The following FMNL3 variants were observed in gnomAD, a reference collection of about 807,000 sequenced individuals.
FMNL3 encodes the protein formin-like protein 3.
In FMNL3, 57 loss-of-function variants were observed where a neutral mutation model predicts 119.6. The ratio of observed to expected loss-of-function variants is 0.48; its 90% CI spans 0.39 to 0.59. The LOEUF is 0.59. Ranked by LOEUF, FMNL3 falls within the 20% of genes least tolerant of loss-of-function variation. FMNL3 has a pLI of 0.00. For missense variants in FMNL3, 1,053 were observed against 1,323.5 expected (o/e 0.80, Z 3.17); for synonymous variants, 491 against 507.3 (o/e 0.97, Z 0.43).
Position 49,637,934 on chromosome 12 carries a change from C to A in FMNL3, c.*7881G>T. ...GCAGAAGCATTACAGCTTGGTTCAGCAGATATCTACTGTGATCCTTTACTG... is the reference window on the plus strand; with the variant it reads ...GCAGAAGCATTACAGCTTGGTTCAGAAGATATCTACTGTGATCCTTTACTG... On this transcript the variant is annotated 3_prime_UTR_variant, in exon 26 of 26. Transcript: ENST00000335154. 1 of 827,948 alleles carries A rather than the reference C, an allele frequency of 1.2e-6. No individual in the cohort carries two copies. 51.3% of individuals were successfully genotyped at this position (827,948 alleles called of 1,614,324 possible).
rs113512482 is a variant in FMNL3 at position 49,659,261 on chromosome 12, T to C, written c.453-667A>G. On this transcript the variant is annotated intron_variant, in intron 5 of 25. Coordinates refer to ENST00000335154, the MANE Select transcript of FMNL3 (RefSeq NM_175736.5). The stretch of plus-strand genomic sequence containing the variant: ...TTGAGGTTTCTAGGTTTTTCAGGTA[T>C]ACAGGCTCCCTGGGCTTCAGTTTCC... Among the ~76,000 whole-genome samples the C allele has an allele frequency of 2.5e-3, 378 of 152,300 alleles. 2 individuals carry two copies. The highest frequency in any genetic ancestry group is 8.7e-3 in the African/African-American group (361 of 41,572).
chr12:49,639,218 A>C lies in FMNL3; in HGVS notation c.*6597T>G, dbSNP rs751239860. 2 of 152,228 alleles carry C rather than the reference A, an allele frequency of 1.3e-5. No homozygotes were observed. The highest frequency in any genetic ancestry group is 2.9e-5 in the Non-Finnish European group (2 of 68,050). 9.4% of individuals were successfully genotyped at this position (152,228 alleles called of 1,614,324 possible). A position where few individuals can be genotyped will look rare whatever the true frequency, so the allele number is the denominator to read the frequency against. On this transcript the variant is annotated 3_prime_UTR_variant, in exon 26 of 26. Transcript: ENST00000335154. ...GTCTAGAGTACGTACTTATGTCCTTAGGGAAGGTGGTGGTGCTAGGTAGAG... is the reference window on the plus strand; with the variant it reads ...GTCTAGAGTACGTACTTATGTCCTTCGGGAAGGTGGTGGTGCTAGGTAGAG...
chr12:49,649,425 A>G lies in FMNL3; in HGVS notation c.2304+45T>C, dbSNP rs763468464. 1.2e-6 allele frequency: 2 copies of G among 1,612,778 alleles called. No homozygotes were observed. Among genetic ancestry groups the G allele is most frequent in the Non-Finnish European group, 1.7e-6 (2 of 1,178,968 alleles). ...TCTGTATAGCCCCAGGCCCCCACCT[A>G]GGACCTGAAAACCCCCAGCACCCCT... On this transcript the variant is annotated intron_variant, in intron 19 of 25. Coordinates refer to ENST00000335154, the MANE Select transcript of FMNL3 (RefSeq NM_175736.5). This position sits in a 1 kb window ranked among gnomAD's most constrained non-coding sequence, Gnocchi z 5.6.
chr12:49,658,740 G>A, intron 5 of FMNL3, 146 bp from the exon 6 acceptor site: 1 of 979,872 alleles, frequency 1.0e-6, no homozygotes, highest in Non-Finnish European at 1.5e-6. Context: ...AGCAGAACTG[G>A]GGAGCAGAGA....
chr12:49,687,650 A>T (rs1944501899), intron 1 of FMNL3, among the ~76,000 whole-genome samples: 1 of 152,200 alleles, frequency 6.6e-6, no homozygotes, highest in African/African-American at 2.4e-5. Context: ...ATGCTATGAG[A>T]CTGGCTTGTC....
chr12:49,637,773 G>A lies in FMNL3; in HGVS notation c.*8042C>T. ...ACTTATTCAAGTTCTATGTGGAGGA[G>A]TTGAAGGCACGATTCCATGATGAAA... On this transcript the variant is annotated 3_prime_UTR_variant, in exon 26 of 26. Coordinates refer to ENST00000335154, the MANE Select transcript of FMNL3 (RefSeq NM_175736.5). The A allele has an allele frequency of 6.2e-7, 1 of 1,612,690 alleles. No individual in the cohort carries two copies. Among genetic ancestry groups the A allele is most frequent in the Non-Finnish European group, 8.5e-7 (1 of 1,178,984 alleles).
chr12:49,707,026 C>A lies in FMNL3; in HGVS notation c.126+29G>T, dbSNP rs768097927. 4.8e-5 allele frequency: 75 copies of A among 1,557,684 alleles called. 1 individual carries two copies. The South Asian group carries it at 8.6e-4, about 18-fold the overall frequency. ...GCGTCGGGACCTGAGGGGCGGTACG[C>A]GGGGGAAGGGGCTGGGCTCAGCTCT... On this transcript the variant is annotated intron_variant, in intron 1 of 25. Coordinates refer to ENST00000335154, the MANE Select transcript of FMNL3 (RefSeq NM_175736.5).
At chr12:49,665,627 T>C (rs1424389508) in intron 4 of FMNL3, among the ~76,000 whole-genome samples, 1 of 152,166 alleles carries the variant, frequency 6.6e-6, no homozygotes, top group Admixed American at 6.5e-5. Context: ...AAACATCTAG[T>C]CAGCAGCTGG....
chr12:49,699,974 T>C (rs1032365058), intron 1 of FMNL3, among the ~76,000 whole-genome samples: 1 of 152,188 alleles, frequency 6.6e-6, no homozygotes, highest in Non-Finnish European at 1.5e-5. Context: ...TCAAACGCCT[T>C]TAAAAACCAT....
chr12:49,647,374 A>C lies in FMNL3; in HGVS notation c.2779-6T>G. ...TCATTCTCTTGTTCTGCTTCCTAAG[A>C]GCCATGGAAGATGGGGGGTGGGGAG... On this transcript the variant is annotated splice_polypyrimidine_tract_variant and splice_region_variant and intron_variant, in intron 23 of 25. Coordinates refer to ENST00000335154, the MANE Select transcript of FMNL3 (RefSeq NM_175736.5). This position sits in a 1 kb window ranked among gnomAD's most constrained non-coding sequence, Gnocchi z 4.9. The C allele has an allele frequency of 6.2e-7, 1 of 1,609,842 alleles. No homozygotes were observed. The highest frequency in any genetic ancestry group is 8.5e-7 in the Non-Finnish European group (1 of 1,179,520).
In FMNL3 at chr12:49,639,442, T is replaced by G. The variant is rs961881748; in HGVS notation, c.*6373A>C. ...AAAGTCAGTAGGCTGTGCAGGAATC[T>G]TGTAGGAGGTGATCCTAGCCGGGGG... On this transcript the variant is annotated 3_prime_UTR_variant, in exon 26 of 26. Coordinates refer to ENST00000335154, the MANE Select transcript of FMNL3 (RefSeq NM_175736.5). The G allele has an allele frequency of 6.6e-6, 1 of 152,332 alleles. No homozygotes were observed. The highest frequency in any genetic ancestry group is 2.4e-5 in the African/African-American group (1 of 41,448). 9.4% of individuals were successfully genotyped at this position (152,332 alleles called of 1,614,324 possible). A position where few individuals can be genotyped will look rare whatever the true frequency, so the allele number is the denominator to read the frequency against.
In FMNL3 at chr12:49,647,203, C is replaced by T; in HGVS notation, c.2871+73G>A. On this transcript the variant is annotated intron_variant, in intron 24 of 25. Coordinates refer to ENST00000335154, the MANE Select transcript of FMNL3 (RefSeq NM_175736.5). The surrounding 1 kb of genome is among the most constrained non-coding windows in gnomAD (Gnocchi z 4.9). ...TGTCCACTCCAAGTTTTCATCTCCTCTAGCCTTCTGACCCCCAGCCCCCAC... is the reference window on the plus strand; with the variant it reads ...TGTCCACTCCAAGTTTTCATCTCCTTTAGCCTTCTGACCCCCAGCCCCCAC... 1 of 1,591,678 alleles carries T rather than the reference C, an allele frequency of 6.3e-7. No homozygotes were observed. The highest frequency in any genetic ancestry group is 8.6e-7 in the Non-Finnish European group (1 of 1,161,312).
rs1473043696 is a variant in FMNL3 at position 49,652,176 on chromosome 12, G to T, written c.1360C>A (p.Leu454Met). 6 of 1,613,292 alleles carry T rather than the reference G, an allele frequency of 3.7e-6. 1 individual carries two copies. In the South Asian group the frequency reaches 5.5e-5, roughly 15 times the overall value. ...TCCTTCTCTTTAATGAGCCTCCGCA[G>T]GGTGTGCACCTGGTGGCTTGTGTTC... ...YENTSHQVHTLRRLIKEKEEA... is the reference protein window; with the variant it reads ...YENTSHQVHTMRRLIKEKEEA... The change falls in exon 14 of 26, where the codon CTG becomes ATG. Residue 454 changes from leucine (L) to methionine (M), a missense_variant. Around this residue, in one of 4 missense-constraint regions of FMNL3, gnomAD observed 445 missense variants for 628.4 expected, o/e 0.71. Transcript: ENST00000335154.
chr12:49,652,088 C>T lies in FMNL3; in HGVS notation c.1448G>A (p.Ser483Asn). The T allele has an allele frequency of 6.2e-7, 1 of 1,612,976 alleles. No homozygotes were observed. The highest frequency in any genetic ancestry group is 8.5e-7 in the Non-Finnish European group (1 of 1,179,576). The part of the protein sequence containing the change: ...PNVRGLESVD[S>N]EALARVGPAE... ...AGGGCCTACTCTGGCCAGGGCCTCA[C>T]TGTCCACAGACTCCAGGCCCCGGAC... The change falls in exon 14 of 26, where the codon AGT becomes AAT. Residue 483 changes from serine (S) to asparagine (N), a missense_variant. By Grantham distance (46) the Ser-to-Asn change is conservative. Transcript: ENST00000335154.
At chr12:49,701,963 C>T (rs1944921225) in intron 1 of FMNL3, among the ~76,000 whole-genome samples, 1 of 151,894 alleles carries the variant, frequency 6.6e-6, no homozygotes, top group African/African-American at 2.4e-5. Flanking sequence ...CCTGGGAAAA[C>T]TAATGAAATA....
At chr12:49,660,738 G>A (rs925234698) in intron 5 of FMNL3, among the ~76,000 whole-genome samples, 1 of 152,236 alleles carries the variant, frequency 6.6e-6, no homozygotes, top group African/African-American at 2.4e-5. Context: ...AGGGTGGATC[G>A]CTTGAGCCCA....
chr12:49,653,773 C>T lies in FMNL3; in HGVS notation c.1173G>A (p.Lys391=). ...CCTCCACCTTCTCCAGGGCTACATT[C>T]TTGGTCTCAGCATCCTCCAACAAAC... ...VGGLLEDAET[K]NVALEKVEEL... The change falls in exon 12 of 26, where the codon AAG becomes AAA. Residue 391 remains lysine (K), a synonymous_variant. Transcript: ENST00000335154. 1 of 1,614,236 alleles carries T rather than the reference C, an allele frequency of 6.2e-7. No homozygotes were observed. Among genetic ancestry groups the T allele is most frequent in the South Asian group, 1.1e-5 (1 of 91,078 alleles).
rs1592599433 is a variant in FMNL3, at chr12:49,637,089, C to T, written c.*8726G>A. On this transcript the variant is annotated 3_prime_UTR_variant, in exon 26 of 26. Transcript: ENST00000335154. ...CCCAGAAACTGCCAGTAGAGAGCAC[C>T]CTACAGGCATGACTTGGCAGCTAGG... 1 of 625,024 alleles carries T rather than the reference C, an allele frequency of 1.6e-6. No individual in the cohort carries two copies. Among genetic ancestry groups the T allele is most frequent in the Non-Finnish European group, 2.7e-6 (1 of 365,204 alleles). 38.7% of individuals were successfully genotyped at this position (625,024 alleles called of 1,614,324 possible).
chr12:49,666,003 A>G, intron 3 of FMNL3, 95 bp from the exon 4 acceptor site: 2 of 1,547,732 alleles, frequency 1.3e-6, no homozygotes, highest in African/African-American at 1.4e-5. Flanking sequence ...TGGCCACAGA[A>G]CCCTGAAATC....
Sources: gnomAD v4.1 joint callset for allele counts (sites outside exome capture counted in the v4.1 genomes callset) on GRCh38, gnomAD v4.1.1 for gene constraint, gnomAD v4.1.1 regional missense constraint, Gnocchi (gnomAD v3.1) non-coding constraint, MANE v1.5 for transcripts, NCBI Gene and HGNC (gene_info 2026-07-23, HGNC 2026-07-21) for gene names.